Variants in TENM3 observed in about 807,000 individuals in gnomAD.
TENM3 encodes teneurin-3.
TENM3 carries 63 observed loss-of-function variants against 255.1 expected under a neutral mutation model. The observed-to-expected ratio is 0.25, with a 90% CI of 0.20 to 0.30. The LOEUF (loss-of-function observed/expected upper bound fraction) is 0.30. Among genes scored for constraint, TENM3 ranks in the 10% least tolerant of loss-of-function variants. TENM3 has a pLI of 1.00. For synonymous variants in TENM3, 1,306 were observed against 1,322.3 expected (o/e 0.99, Z 0.27); for missense variants, 2,929 against 3,461.1 (o/e 0.85, Z 3.86).
the TENM3 span, among the ~76,000 whole-genome samples, chr4:181,805,081 T>C: frequency 6.6e-6 from 1 of 152,188 alleles, no homozygotes; most frequent in Non-Finnish European, 1.5e-5. Context: ...AGCAGCCTCC[T>C]AAGAGTTCTG....
At chr4:182,484,771 T>C (rs993333513) in intron 3 of TENM3, among the ~76,000 whole-genome samples, 2 of 152,162 alleles carry the variant, frequency 1.3e-5, no homozygotes, top group Non-Finnish European at 2.9e-5. Context: ...CTGTTAATGA[T>C]CATGAAAGCT....
At chr4:181,711,704 A>T in the TENM3 span, among the ~76,000 whole-genome samples, 1 of 152,146 alleles carries the variant, frequency 6.6e-6, no homozygotes. Context: ...GTTTCCTTAG[A>T]AGGCAATATT....
At chr4:182,187,119 G>A (rs1004105557) in intron 1 of TENM3, among the ~76,000 whole-genome samples, 5 of 151,526 alleles carry the variant, frequency 3.3e-5, no homozygotes, top group Admixed American at 1.3e-4. Context: ...TAAAAATAAT[G>A]GTCTGTAAAC....
In TENM3 at chr4:182,288,860, C is replaced by T. The variant is rs554922867; in HGVS notation, c.-75-35086C>T. ...TCTCTCAGGTCCACCACACCTATGC[C>T]GAAAAATAAAATAAATAAAGGTCGG... On this transcript the variant is annotated intron_variant, in intron 1 of 27. Transcript: ENST00000511685. 4.6e-5 allele frequency among the ~76,000 whole-genome samples: 7 copies of T among 152,096 alleles called. 1 individual carries two copies. The South Asian group carries it at 1.5e-3, about 32-fold the overall frequency.
At chr4:182,519,993 G>GTAT (rs1392419251) in intron 3 of TENM3, among the ~76,000 whole-genome samples, 1 of 152,082 alleles carries the variant, frequency 6.6e-6, no homozygotes, top group East Asian at 1.9e-4. Flanking sequence ...TATTGAAGAG[G>GTAT]TATAGGTGGG....
At chr4:181,725,939 A>G in the TENM3 span, among the ~76,000 whole-genome samples, 1 of 152,154 alleles carries the variant, frequency 6.6e-6, no homozygotes, top group African/African-American at 2.4e-5. Context: ...GACTCAAGAC[A>G]TGGATTTCAA....
chr4:182,746,737 A>G (rs1388765589), intron 19 of TENM3, among the ~76,000 whole-genome samples: 2 of 152,178 alleles, frequency 1.3e-5, no homozygotes, highest in African/African-American at 4.8e-5. Flanking sequence ...CTAAAACAGG[A>G]TGGTTAGCAG....
At chr4:182,041,308 G>A in the TENM3 span, among the ~76,000 whole-genome samples, 2 of 152,138 alleles carry the variant, frequency 1.3e-5, no homozygotes, top group Non-Finnish European at 2.9e-5. Flanking sequence ...ACAGGTATGG[G>A]AGGGCCTTTA....
At chr4:182,720,438 C>T (rs976779710) in intron 13 of TENM3, among the ~76,000 whole-genome samples, 2 of 151,824 alleles carry the variant, frequency 1.3e-5, no homozygotes, top group Non-Finnish European at 2.9e-5. Context: ...TAGAGTGGTG[C>T]TTACAGTCTC....
At chr4:182,068,984 T>G in the TENM3 span, among the ~76,000 whole-genome samples, 776 of 152,122 alleles carry the variant, frequency 5.1e-3, 1 homozygote, top group African/African-American at 0.018. Flanking sequence ...GAAAATAGAT[T>G]TTAAAAATTA....
At chr4:182,141,881 G>A (rs553858563), upstream of TENM3, 1 of 152,148 alleles carries the variant, frequency 6.6e-6, no homozygotes, top group South Asian at 2.1e-4. Flanking sequence ...CTTCAGTTCT[G>A]GCCTCTTTAG....
chr4:182,161,602 T>TATATATATTTGTATATATATATACAA (rs1751193798), intron 1 of TENM3, among the ~76,000 whole-genome samples: 2 of 113,232 alleles, frequency 1.8e-5, no homozygotes, highest in East Asian at 3.3e-4. Context: ...TATATATACA[T>TATATATATTTGTATATATATATACAA]ATATATATAT....
chr4:182,798,553 C>T (rs1407998564), intron 27 of TENM3, among the ~76,000 whole-genome samples: 1 of 152,200 alleles, frequency 6.6e-6, no homozygotes. Flanking sequence ...TGCCTCCCTG[C>T]GGTTAAGCAG....
chr4:182,020,567 G>C, the TENM3 span, among the ~76,000 whole-genome samples: 2 of 152,050 alleles, frequency 1.3e-5, no homozygotes, highest in African/African-American at 4.8e-5. Flanking sequence ...CCAACACAAA[G>C]AAATGAGAAA....
chr4:181,993,482 T>C, the TENM3 span, among the ~76,000 whole-genome samples: 2 of 152,208 alleles, frequency 1.3e-5, no homozygotes, highest in African/African-American at 4.8e-5. Flanking sequence ...ACAGCTTCGC[T>C]GTGTCTGCTG....
At chr4:182,547,961 G>A (rs149019680) in intron 3 of TENM3, among the ~76,000 whole-genome samples, 1 of 151,892 alleles carries the variant, frequency 6.6e-6, no homozygotes, top group Non-Finnish European at 1.5e-5. Flanking sequence ...CTCGTGCCTC[G>A]AGTCCCAGCA....
At chr4:182,370,280 C>T (rs533834161) in intron 3 of TENM3, among the ~76,000 whole-genome samples, 2 of 152,206 alleles carry the variant, frequency 1.3e-5, no homozygotes, top group African/African-American at 2.4e-5. Flanking sequence ...CCCAAGTTTC[C>T]GTTGGGTCTT....
At position 182,551,200 on chromosome 4, in the gene TENM3, G is replaced by A. The variant is rs189500631; in HGVS notation, c.512-49724G>A. Among the ~76,000 whole-genome samples the A allele has an allele frequency of 4.3e-4, 62 of 144,032 alleles. No individual in the cohort carries two copies. In the East Asian group the frequency reaches 0.011, roughly 25 times the overall value. The allele number at this position is 144,032 out of a possible 152,430, so 94.5% of individuals were successfully genotyped here. ...TCACTCCACTGACTCCAGCCTGGGCGACAGAGTGAGACTCCATCTAAAAAA... is the reference window on the plus strand; with the variant it reads ...TCACTCCACTGACTCCAGCCTGGGCAACAGAGTGAGACTCCATCTAAAAAA... On this transcript the variant is annotated intron_variant, in intron 3 of 27. Transcript: ENST00000511685.
At chr4:182,698,869 T>C (rs148092525) in intron 12 of TENM3, among the ~76,000 whole-genome samples, 398 of 152,310 alleles carry the variant, frequency 2.6e-3, no homozygotes, top group African/African-American at 9.2e-3. Flanking sequence ...ACGTTAGATG[T>C]GTTTTTTCCA....
Sources: gnomAD v4.1 joint callset for allele counts (sites outside exome capture counted in the v4.1 genomes callset) on GRCh38, gnomAD v4.1.1 for gene constraint, MANE v1.5 for transcripts, NCBI Gene and HGNC (gene_info 2026-07-23, HGNC 2026-07-21) for gene names.